The following DPYSL2 variants were observed in gnomAD, a reference collection of about 807,000 sequenced individuals.
DPYSL2 encodes the protein dihydropyrimidinase-related protein 2.
A neutral mutation model predicts 69.9 loss-of-function variants in DPYSL2; 13 were observed. The observed-to-expected ratio is 0.19, with a 90% CI of 0.12 to 0.30. DPYSL2 has a LOEUF of 0.30. Ranked by LOEUF, DPYSL2 falls within the 10% of genes least tolerant of loss-of-function variation. DPYSL2 has a pLI of 1.00. For synonymous variants in DPYSL2, 326 were observed against 359.1 expected, an observed-to-expected ratio of 0.91 and a Z score of 1.04; for missense variants, 587 against 918.9, an observed-to-expected ratio of 0.64 and a Z score of 4.67.
chr8:26,535,898 T>G (rs1466557948), intron 1 of DPYSL2, among the ~76,000 whole-genome samples: 1 of 141,170 alleles, frequency 7.1e-6, no homozygotes, highest in East Asian at 2.1e-4. Context: ...TCTCTATGGG[T>G]TGTGTGTGTG....
intron 1 of DPYSL2, among the ~76,000 whole-genome samples, chr8:26,528,029 C>CG (rs1808510165): frequency 1.3e-5 from 2 of 152,080 alleles, no homozygotes; most frequent in Non-Finnish European, 2.9e-5. Flanking sequence ...GTATTGAACT[C>CG]CTGGCCTCAA....
intron 7 of DPYSL2, among the ~76,000 whole-genome samples, chr8:26,632,786 CG>C (rs1563419221): frequency 6.6e-6 from 1 of 152,236 alleles, no homozygotes; most frequent in Non-Finnish European, 1.5e-5. Flanking sequence ...CTGGTGCTGC[CG>C]GGCCACAGGC....
intron 1 of DPYSL2, among the ~76,000 whole-genome samples, chr8:26,566,326 G>A (rs753767635): frequency 2.6e-5 from 4 of 152,104 alleles, no homozygotes; most frequent in Admixed American, 1.3e-4. Context: ...AAAAAATCAC[G>A]GGATCCCCCT....
Position 26,647,552 on chromosome 8 carries a change from T to C in DPYSL2, c.1426-78T>C, listed in dbSNP as rs1803193910. On this transcript the variant is annotated intron_variant, in intron 10 of 13. Coordinates refer to ENST00000521913, the MANE Select transcript of DPYSL2 (RefSeq NM_001197293.3). This position sits in a 1 kb window ranked among gnomAD's most constrained non-coding sequence, Gnocchi z 5.1. ...CCATCTAAGCTGTCGTGTGTATCAA[T>C]AGTTTGTTATTGAAAAGTAACTTTT... The C allele has an allele frequency of 2.1e-6, 3 of 1,448,272 alleles. No individual in the cohort carries two copies. Among genetic ancestry groups the C allele is most frequent in the African/African-American group, 1.4e-5 (1 of 70,604 alleles). The allele number at this position is 1,448,272 out of a possible 1,614,324, so 89.7% of individuals were successfully genotyped here.
chr8:26,635,234 C>A (rs1016477700), intron 8 of DPYSL2, among the ~76,000 whole-genome samples: 3 of 152,248 alleles, frequency 2.0e-5, no homozygotes, highest in Admixed American at 2.0e-4. Context: ...CAGTTTCCAT[C>A]CGCCCCAGAA....
chr8:26,644,921 T>C lies in DPYSL2; in HGVS notation c.1425+830T>C, dbSNP rs1427756465. On this transcript the variant is annotated intron_variant, in intron 10 of 13. Coordinates refer to ENST00000521913, the MANE Select transcript of DPYSL2 (RefSeq NM_001197293.3). This position sits in a 1 kb window ranked among gnomAD's most constrained non-coding sequence, Gnocchi z 4.5. Reference sequence around the variant, plus strand: ...TTAACAGAATAGGTTTTCTGTTTTTTAGTGAATTGTTTAGATTATATGAAG... The same window carrying C: ...TTAACAGAATAGGTTTTCTGTTTTTCAGTGAATTGTTTAGATTATATGAAG... Among the ~76,000 whole-genome samples, 1 of 152,320 alleles carries C rather than the reference T, an allele frequency of 6.6e-6. No homozygotes were observed. The highest frequency in any genetic ancestry group is 1.5e-5 in the Non-Finnish European group (1 of 68,028).
At chr8:26,557,508 G>A (rs1248413417) in intron 1 of DPYSL2, among the ~76,000 whole-genome samples, 2 of 151,402 alleles carry the variant, frequency 1.3e-5, no homozygotes, top group African/African-American at 4.9e-5. Context: ...AACAGGCATG[G>A]TGGCTTATGC....
At position 26,610,068 on chromosome 8, in the gene DPYSL2, C is replaced by A. The variant is rs1318312740; in HGVS notation, c.629-14075C>A. Among the ~76,000 whole-genome samples the A allele has an allele frequency of 1.3e-5, 2 of 152,162 alleles. No homozygotes were observed. The highest frequency in any genetic ancestry group is 2.4e-5 in the African/African-American group (1 of 41,436). ...CCACCCCAGCCTGGGCTCCTGGTAT[C>A]CCTAAGGGTTTTGGAAGAAGAGTTT... On this transcript the variant is annotated intron_variant, in intron 3 of 13. Coordinates refer to ENST00000521913, the MANE Select transcript of DPYSL2 (RefSeq NM_001197293.3). The surrounding 1 kb of genome is among the most constrained non-coding windows in gnomAD (Gnocchi z 4.5).
chr8:26,576,125 A>G (rs1801323422), intron 1 of DPYSL2, among the ~76,000 whole-genome samples: 1 of 152,202 alleles, frequency 6.6e-6, no homozygotes, highest in African/African-American at 2.4e-5. Flanking sequence ...TGAATTAACC[A>G]TCGGTGAAAC....
intron 1 of DPYSL2, among the ~76,000 whole-genome samples, chr8:26,567,910 T>C (rs1214670667): frequency 1.3e-5 from 2 of 152,188 alleles, no homozygotes; most frequent in African/African-American, 4.8e-5. Context: ...AAGTGGTCTT[T>C]TTACTATCCT....
At position 26,578,785 on chromosome 8, in the gene DPYSL2, G is replaced by A. The variant is rs145177339; in HGVS notation, c.355-3184G>A. 4.4e-4 allele frequency among the ~76,000 whole-genome samples: 67 copies of A among 152,330 alleles called. No homozygotes were observed. The East Asian group carries it at 0.012, about 26-fold the overall frequency. ...GCCTTCTCCGGGTCCTTGGAAAAAG[G>A]AGCGGGTTTGAGCCCTAAGGCGTAA... On this transcript the variant is annotated intron_variant, in intron 1 of 13. Transcript: ENST00000521913.
At chr8:26,583,744 C>A (rs529738439) in intron 2 of DPYSL2, 55 bp from the exon 3 acceptor site, 3 of 1,507,404 alleles carry the variant, frequency 2.0e-6, no homozygotes, top group African/African-American at 1.4e-5. Flanking sequence ...GCTGTCAGAT[C>A]CCATTTGAGT....
At chr8:26,532,781 T>TG (rs1231410589) in intron 1 of DPYSL2, among the ~76,000 whole-genome samples, 3 of 152,216 alleles carry the variant, frequency 2.0e-5, no homozygotes, top group Non-Finnish European at 4.4e-5. Flanking sequence ...AGTTGACAGG[T>TG]AGTTGGGTTG....
At chr8:26,527,590 T>C (rs1808501416) in intron 1 of DPYSL2, among the ~76,000 whole-genome samples, 2 of 152,126 alleles carry the variant, frequency 1.3e-5, no homozygotes, top group South Asian at 4.1e-4. Flanking sequence ...TGGTTTGGGT[T>C]TTTACACGCA....
intron 3 of DPYSL2, among the ~76,000 whole-genome samples, chr8:26,584,639 G>A (rs399788): frequency 0.33 from 38,311 of 117,424 alleles, 5,655 homozygotes; most frequent in African/African-American, 0.44. Context: ...TTTTTTTTGA[G>A]ACAGAGTTTC....
chr8:26,520,923 A>T (rs1390554044), intron 1 of DPYSL2, among the ~76,000 whole-genome samples: 1 of 151,984 alleles, frequency 6.6e-6, no homozygotes, highest in Non-Finnish European at 1.5e-5. Flanking sequence ...GGTCTCTTTT[A>T]TAAGGTCACT....
At chr8:26,532,830 A>G (rs1412804204) in intron 1 of DPYSL2, among the ~76,000 whole-genome samples, 1 of 152,182 alleles carries the variant, frequency 6.6e-6, no homozygotes, top group Non-Finnish European at 1.5e-5. Flanking sequence ...GCTGCTATGA[A>G]TATTCATGGT....
chr8:26,554,115 C>A (rs926841752), intron 1 of DPYSL2, among the ~76,000 whole-genome samples: 1 of 151,940 alleles, frequency 6.6e-6, no homozygotes, highest in African/African-American at 2.4e-5. Context: ...GTCTTGAACT[C>A]CTGACCTCGT....
In DPYSL2 at chr8:26,597,405, A is replaced by G. The variant is rs1408252414; in HGVS notation, c.628+13422A>G. Among the ~76,000 whole-genome samples, 2 of 152,092 alleles carry G rather than the reference A, an allele frequency of 1.3e-5. No individual in the cohort carries two copies. Among genetic ancestry groups the G allele is most frequent in the African/African-American group, 4.8e-5 (2 of 41,404 alleles). On this transcript the variant is annotated intron_variant, in intron 3 of 13. Coordinates refer to ENST00000521913, the MANE Select transcript of DPYSL2 (RefSeq NM_001197293.3). The surrounding 1 kb of genome is among the most constrained non-coding windows in gnomAD (Gnocchi z 5.2). ...CTGAATCGCTTTGGCGTGGGCTTTT[A>G]TGAGGTTCATTAGGCTCAGCACCTC...
Sources: gnomAD v4.1 joint callset for allele counts (sites outside exome capture counted in the v4.1 genomes callset) on GRCh38, gnomAD v4.1.1 for gene constraint, Gnocchi (gnomAD v3.1) non-coding constraint, MANE v1.5 for transcripts, NCBI Gene and HGNC (gene_info 2026-07-23, HGNC 2026-07-21) for gene names.